The following ZNF385D variants were observed in gnomAD, a reference collection of about 807,000 sequenced individuals.
The protein encoded by ZNF385D is zinc finger protein 659.
ZNF385D carries 15 observed loss-of-function variants against 35.8 expected under a neutral mutation model. The ratio of observed to expected loss-of-function variants is 0.42; its 90% CI spans 0.28 to 0.64. The LOEUF (loss-of-function observed/expected upper bound fraction) is 0.64. Ranked by LOEUF, ZNF385D falls within the 30% of genes least tolerant of loss-of-function variation. The pLI, the probability that ZNF385D is intolerant of heterozygous loss-of-function variation, is 0.23. For synonymous variants in ZNF385D, 212 were observed against 186.8 expected, an observed-to-expected ratio of 1.13 and a Z score of -1.10; for missense variants, 474 against 494.6, an observed-to-expected ratio of 0.96 and a Z score of 0.39.
chr3:22,278,134 C>G (rs942806081), intron 2 of ZNF385D, among the ~76,000 whole-genome samples: 10 of 152,060 alleles, frequency 6.6e-5, no homozygotes, highest in African/African-American at 1.9e-4. Context: ...ATGTTTTATT[C>G]ATGTTTACAC....
chr3:21,770,286 T>G (rs922907525), intron 3 of ZNF385D, among the ~76,000 whole-genome samples: 2 of 151,994 alleles, frequency 1.3e-5, no homozygotes, highest in Non-Finnish European at 2.9e-5. Flanking sequence ...GAAACTACCA[T>G]CAGAGTGAAC....
intron 2 of ZNF385D, among the ~76,000 whole-genome samples, chr3:21,610,233 G>C (rs185782000): frequency 6.6e-6 from 1 of 151,900 alleles, no homozygotes; most frequent in South Asian, 2.1e-4. Context: ...TTACAACAAA[G>C]GACAAACATT....
intron 3 of ZNF385D, among the ~76,000 whole-genome samples, chr3:21,872,063 ATATACG>A (rs1697723144): frequency 6.6e-6 from 1 of 152,160 alleles, no homozygotes; most frequent in Non-Finnish European, 1.5e-5. Flanking sequence ...TGTTTAATAA[ATATACG>A]TATTTTAAAA....
At chr3:21,892,384 T>G (rs1291565170) in intron 3 of ZNF385D, among the ~76,000 whole-genome samples, 1 of 152,110 alleles carries the variant, frequency 6.6e-6, no homozygotes, top group Non-Finnish European at 1.5e-5. Flanking sequence ...CCTCCAGATA[T>G]CTCTAAGAAT....
upstream of ZNF385D, among the ~76,000 whole-genome samples, chr3:21,755,839 G>A (rs185399096): frequency 2.6e-4 from 40 of 152,208 alleles, no homozygotes; most frequent in African/African-American, 9.4e-4. Context: ...ATTACTCCAG[G>A]TGCTGGATGA....
chr3:21,824,477 A>G (rs1400702062), intron 3 of ZNF385D, among the ~76,000 whole-genome samples: 2 of 152,192 alleles, frequency 1.3e-5, no homozygotes, highest in Non-Finnish European at 2.9e-5. Flanking sequence ...AAATATGTCT[A>G]TATGCATATG....
At chr3:22,116,806 T>C (rs1004392741) in intron 3 of ZNF385D, among the ~76,000 whole-genome samples, 2 of 152,014 alleles carry the variant, frequency 1.3e-5, no homozygotes, top group African/African-American at 4.8e-5. Context: ...TTTATAAATA[T>C]GATGAAAGGT....
At chr3:21,439,107 CTG>C (rs1427850918) in intron 4 of ZNF385D, among the ~76,000 whole-genome samples, 10 of 151,942 alleles carry the variant, frequency 6.6e-5, no homozygotes, top group African/African-American at 2.4e-4. Context: ...CTTAAAATAA[CTG>C]TACATACTTA....
chr3:21,868,444 T>C (rs1474673823), intron 3 of ZNF385D, among the ~76,000 whole-genome samples: 1 of 152,166 alleles, frequency 6.6e-6, no homozygotes, highest in Non-Finnish European at 1.5e-5. Context: ...GCACTTGCTT[T>C]AACATTCCCC....
intron 2 of ZNF385D, among the ~76,000 whole-genome samples, chr3:22,186,811 C>T (rs543869942): frequency 6.6e-6 from 1 of 152,198 alleles, no homozygotes; most frequent in South Asian, 2.1e-4. Flanking sequence ...TTTGAGATTG[C>T]TCATAATCAA....
chr3:21,979,477 C>T (rs764630040), intron 3 of ZNF385D, among the ~76,000 whole-genome samples: 1 of 152,170 alleles, frequency 6.6e-6, no homozygotes, highest in African/African-American at 2.4e-5. Context: ...CGCTGGCTCA[C>T]AATAAGTAAG....
At chr3:21,893,160 G>C (rs1178097382) in intron 3 of ZNF385D, among the ~76,000 whole-genome samples, 1 of 152,124 alleles carries the variant, frequency 6.6e-6, no homozygotes, top group Non-Finnish European at 1.5e-5. Flanking sequence ...AAAATGGTGA[G>C]AATTCCAGGT....
intron 2 of ZNF385D, among the ~76,000 whole-genome samples, chr3:21,632,221 TG>T (rs1280846720): frequency 2.0e-5 from 3 of 152,080 alleles, no homozygotes; most frequent in Non-Finnish European, 2.9e-5. Flanking sequence ...GGTAGAGAGA[TG>T]GATACTAAAT....
At chr3:21,471,378 T>TCCATACAA (rs1703893270) in intron 4 of ZNF385D, among the ~76,000 whole-genome samples, 1 of 150,908 alleles carries the variant, frequency 6.6e-6, no homozygotes, top group South Asian at 2.1e-4. Flanking sequence ...GTAGGATCTA[T>TCCATACAA]CCATACAAGG....
At chr3:22,154,973 C>T in intron 3 of ZNF385D, among the ~76,000 whole-genome samples, 1 of 152,034 alleles carries the variant, frequency 6.6e-6, no homozygotes, top group East Asian at 1.9e-4. Flanking sequence ...TGGTGGTTGA[C>T]TACTATATTA....
chr3:21,450,338 T>C (rs903227803), intron 4 of ZNF385D, among the ~76,000 whole-genome samples: 2 of 152,184 alleles, frequency 1.3e-5, no homozygotes, highest in African/African-American at 4.8e-5. Flanking sequence ...AAATTGCCCA[T>C]TCTTTACCTC....
At chr3:22,293,799 A>C (rs1197574304) in intron 2 of ZNF385D, among the ~76,000 whole-genome samples, 2 of 152,128 alleles carry the variant, frequency 1.3e-5, no homozygotes, top group Non-Finnish European at 2.9e-5. Flanking sequence ...GTTCTACTTG[A>C]AAACTACTGA....
At chr3:21,624,803 A>C (rs1398261984) in intron 2 of ZNF385D, among the ~76,000 whole-genome samples, 1 of 151,992 alleles carries the variant, frequency 6.6e-6, no homozygotes, top group Non-Finnish European at 1.5e-5. Context: ...AACTGAAGTC[A>C]CTCCGCAGCT....
chr3:22,046,429 G>A (rs897721265), intron 3 of ZNF385D, among the ~76,000 whole-genome samples: 1 of 152,026 alleles, frequency 6.6e-6, no homozygotes. Context: ...ATTGTAGATT[G>A]GCTAAAATTC....
Sources: gnomAD v4.1 joint callset for allele counts (sites outside exome capture counted in the v4.1 genomes callset) on GRCh38, gnomAD v4.1.1 for gene constraint, MANE v1.5 for transcripts, NCBI Gene and HGNC (gene_info 2026-07-23, HGNC 2026-07-21) for gene names.